Variants in C4orf17 observed in about 807,000 individuals in gnomAD.
C4orf17 encodes uncharacterized protein C4orf17.
Under a neutral mutation model 32.0 loss-of-function variants are expected in C4orf17, and 25 were observed. That is an observed-to-expected ratio of 0.78 (90% confidence interval 0.57 to 1.09). The LOEUF (loss-of-function observed/expected upper bound fraction) is 1.09. Among genes scored for constraint, C4orf17 ranks in the 50% least tolerant of loss-of-function variants. C4orf17 has a pLI of 0.00. For missense variants in C4orf17, 420 were observed against 420.0 expected (o/e 1.00, Z 0.00); for synonymous variants, 149 against 145.8 (o/e 1.02, Z -0.16).
Position 99,540,133 on chromosome 4 carries a change from G to A in C4orf17, c.837-279G>A, listed in dbSNP as rs552831640. Among the ~76,000 whole-genome samples, 14 of 151,952 alleles carry A rather than the reference G, an allele frequency of 9.2e-5. No homozygotes were observed. In the South Asian group the frequency reaches 1.2e-3, roughly 13 times the overall value. On this transcript the variant is annotated intron_variant, in intron 7 of 8. Coordinates refer to ENST00000326581, the MANE Select transcript of C4orf17 (RefSeq NM_032149.3). ...AAAAAAATTGTATTACTAACTGTCCGTATCTTAAAGTTTCCATAAAATCAG... is the reference window on the plus strand; with the variant it reads ...AAAAAAATTGTATTACTAACTGTCCATATCTTAAAGTTTCCATAAAATCAG...
intron 4 of C4orf17, among the ~76,000 whole-genome samples, chr4:99,526,642 T>G (rs1255172258): frequency 7.8e-6 from 1 of 128,422 alleles, no homozygotes; most frequent in East Asian, 2.6e-4. Flanking sequence ...ATTCAATTTC[T>G]TTTCTTTTCT....
intron 5 of C4orf17, among the ~76,000 whole-genome samples, chr4:99,535,068 A>G (rs1311711076): frequency 6.6e-6 from 1 of 152,074 alleles, no homozygotes; most frequent in Admixed American, 6.6e-5. Context: ...TTGGCTCCCA[A>G]TTTCTTCTGG....
chr4:99,519,080 CT>C (rs1723243517), intron 2 of C4orf17, among the ~76,000 whole-genome samples: 1 of 152,080 alleles, frequency 6.6e-6, no homozygotes, highest in Non-Finnish European at 1.5e-5. Flanking sequence ...GGAAGAAGAA[CT>C]GGGTAGAAGG....
chr4:99,512,089 G>A (rs1194673548), intron 1 of C4orf17, among the ~76,000 whole-genome samples: 1 of 152,066 alleles, frequency 6.6e-6, no homozygotes, highest in Admixed American at 6.6e-5. Flanking sequence ...ACAAAATCCT[G>A]AGATCAATTT....
rs367738210 is a variant in C4orf17, at chr4:99,513,213, G to A, written c.127+5G>A. 2 of 1,613,572 alleles carry A rather than the reference G, an allele frequency of 1.2e-6. No homozygotes were observed. Among genetic ancestry groups the A allele is most frequent in the Non-Finnish European group, 1.7e-6 (2 of 1,179,716 alleles). The stretch of plus-strand genomic sequence containing the variant: ...GAAGAGTCTGCCACATCAAAGGTAA[G>A]GTGACTTAAGGTCCTAGTATGTGTC... On this transcript the variant is annotated splice_donor_5th_base_variant and intron_variant, in intron 2 of 8. Transcript: ENST00000326581.
At chr4:99,525,327 G>A (rs1375628994) in intron 4 of C4orf17, among the ~76,000 whole-genome samples, 3 of 152,104 alleles carry the variant, frequency 2.0e-5, no homozygotes, top group African/African-American at 7.2e-5. Context: ...TCTTCCCCAA[G>A]CTTAGAATGG....
intron 5 of C4orf17, among the ~76,000 whole-genome samples, chr4:99,537,074 T>A (rs1417743532): frequency 2.0e-5 from 3 of 152,048 alleles, no homozygotes; most frequent in Non-Finnish European, 4.4e-5. Context: ...CCAGATGGCC[T>A]TCTTGGGGGG....
intron 5 of C4orf17, 111 bp downstream of exon 5, chr4:99,530,069 A>G: frequency 3.6e-6 from 3 of 841,434 alleles, no homozygotes. Flanking sequence ...TGATAACTGA[A>G]TTGATTTAAG....
chr4:99,529,727 A>T, intron 4 of C4orf17, 88 bp from the exon 5 acceptor site: 1 of 1,120,916 alleles, frequency 8.9e-7, no homozygotes, highest in Non-Finnish European at 1.2e-6. Flanking sequence ...TATTAGGCAC[A>T]ATATTTCTCA....
In C4orf17 at chr4:99,541,904, T is replaced by C; in HGVS notation, c.881-6T>C. On this transcript the variant is annotated splice_polypyrimidine_tract_variant and splice_region_variant and intron_variant, in intron 8 of 8. Coordinates refer to ENST00000326581, the MANE Select transcript of C4orf17 (RefSeq NM_032149.3). ...GGTCTTATTTAGATTTTTTTCTCTA[T>C]TTCAGAGGCTGAGCACAAGCCTCCA... 6.2e-7 allele frequency: 1 copy of C among 1,606,944 alleles called. No individual in the cohort carries two copies. Among genetic ancestry groups the C allele is most frequent in the Non-Finnish European group, 8.5e-7 (1 of 1,175,910 alleles).
intron 5 of C4orf17, among the ~76,000 whole-genome samples, chr4:99,536,319 A>G (rs1560591042): frequency 6.6e-6 from 1 of 152,176 alleles, no homozygotes; most frequent in Non-Finnish European, 1.5e-5. Flanking sequence ...GGCAGGCTGG[A>G]ATGGCTGAGT....
intron 4 of C4orf17, among the ~76,000 whole-genome samples, chr4:99,528,102 A>T (rs1723419462): frequency 6.6e-6 from 1 of 152,166 alleles, no homozygotes; most frequent in Non-Finnish European, 1.5e-5. Context: ...TTATTGACAA[A>T]GTTATGCATG....
At chr4:99,513,359 T>TAGTGAGAGCAGAGGCCTGG (rs1328348340) in intron 2 of C4orf17, 151 bp downstream of exon 2, 12 of 966,228 alleles carry the variant, frequency 1.2e-5, no homozygotes, top group South Asian at 1.5e-5. Flanking sequence ...GCCAGCACTG[T>TAGTGAGAGCAGAGGCCTGG]AGTGAGAGCA....
chr4:99,515,482 G>A (rs1005595959), intron 2 of C4orf17, among the ~76,000 whole-genome samples: 1 of 152,102 alleles, frequency 6.6e-6, no homozygotes, highest in Non-Finnish European at 1.5e-5. Flanking sequence ...CTTTGTAAGT[G>A]GGAGCTAAAT....
chr4:99,534,149 CT>C (rs1288666998), intron 5 of C4orf17, among the ~76,000 whole-genome samples: 5 of 152,096 alleles, frequency 3.3e-5, no homozygotes, highest in Non-Finnish European at 7.4e-5. Flanking sequence ...CCAACTCCCC[CT>C]GACAGGTCCC....
At chr4:99,529,104 A>T (rs964531684) in intron 4 of C4orf17, among the ~76,000 whole-genome samples, 3 of 152,230 alleles carry the variant, frequency 2.0e-5, no homozygotes, top group Non-Finnish European at 4.4e-5. Context: ...TATCAATTCC[A>T]ATCATCAAAA....
intron 6 of C4orf17, among the ~76,000 whole-genome samples, chr4:99,538,043 C>A (rs989516235): frequency 2.6e-5 from 4 of 152,202 alleles, no homozygotes; most frequent in African/African-American, 4.8e-5. Flanking sequence ...TATGCTCCTC[C>A]AGAGTCCACA....
intron 4 of C4orf17, among the ~76,000 whole-genome samples, chr4:99,524,805 TG>T (rs1723359424): frequency 6.6e-6 from 1 of 152,234 alleles, no homozygotes; most frequent in South Asian, 2.1e-4. Flanking sequence ...GTCAAGAGAA[TG>T]CACGTCCTCA....
intron 2 of C4orf17, among the ~76,000 whole-genome samples, chr4:99,520,649 A>G (rs112303289): frequency 0.025 from 3,789 of 152,308 alleles, 115 homozygotes; most frequent in Middle Eastern, 0.099. Flanking sequence ...TATATGTTCA[A>G]TTGAAAGAAA....
Sources: allele counts gnomAD v4.1 joint callset (sites outside exome capture counted in the v4.1 genomes callset), GRCh38; gene constraint gnomAD v4.1.1; transcripts MANE v1.5; gene names NCBI Gene and HGNC (gene_info 2026-07-23, HGNC 2026-07-21).